Variants in HAO1 observed in about 807,000 individuals in gnomAD.
HAO1 encodes hydroxyacid oxidase 1.
A neutral mutation model predicts 39.7 loss-of-function variants in HAO1; 34 were observed. The ratio of observed to expected loss-of-function variants is 0.86; its 90% CI spans 0.65 to 1.14. The LOEUF is 1.14. Ranked by LOEUF, HAO1 falls within the 50% of genes most tolerant of loss-of-function variation. The pLI is 0.00. For synonymous variants in HAO1, 172 were observed against 173.2 expected, an observed-to-expected ratio of 0.99 and a Z score of 0.05; for missense variants, 479 against 464.5, an observed-to-expected ratio of 1.03 and a Z score of -0.29.
At chr20:7,906,121 T>G in intron 4 of HAO1, 33 bp downstream of exon 4, 1 of 1,446,016 alleles carries the variant, frequency 6.9e-7, no homozygotes, top group Non-Finnish European at 9.7e-7. Context: ...GATCACAAAG[T>G]CAGTATGAAT....
intron 5 of HAO1, among the ~76,000 whole-genome samples, chr20:7,893,239 C>T (rs771237903): frequency 6.6e-5 from 10 of 152,196 alleles, no homozygotes; most frequent in Non-Finnish European, 1.5e-4. Context: ...AAAGAGATCT[C>T]GCCTAACTGA....
chr20:7,905,188 C>T (rs2122767167), intron 4 of HAO1, among the ~76,000 whole-genome samples: 1 of 149,276 alleles, frequency 6.7e-6, no homozygotes, highest in Non-Finnish European at 1.5e-5. Flanking sequence ...TTTGTTTAAG[C>T]ACAGAATAAG....
chr20:7,917,524 C>G (rs2050312619), intron 2 of HAO1, among the ~76,000 whole-genome samples: 1 of 152,052 alleles, frequency 6.6e-6, no homozygotes, highest in Non-Finnish European at 1.5e-5. Flanking sequence ...CTCAATATTT[C>G]AGGGCAGTGA....
chr20:7,904,867 C>A (rs536096742), intron 4 of HAO1, among the ~76,000 whole-genome samples: 3 of 152,242 alleles, frequency 2.0e-5, no homozygotes, highest in Non-Finnish European at 2.9e-5. Context: ...TGAATGCAGC[C>A]ACAGTAAGTA....
intron 5 of HAO1, among the ~76,000 whole-genome samples, chr20:7,888,866 C>A (rs138924885): frequency 6.6e-6 from 1 of 152,316 alleles, no homozygotes; most frequent in African/African-American, 2.4e-5. Context: ...GGAGGCCTTG[C>A]ATGCTTCCAC....
chr20:7,898,538 A>G lies in HAO1; in HGVS notation c.722-3314T>C, dbSNP rs190570640. On this transcript the variant is annotated intron_variant, in intron 4 of 7. Coordinates refer to ENST00000378789, the MANE Select transcript of HAO1 (RefSeq NM_017545.3). ...TCATTTTAAACCAGAAGCCCAGTACACTTTCATCTCAAACGTATTTCATAA... is the reference window on the plus strand; with the variant it reads ...TCATTTTAAACCAGAAGCCCAGTACGCTTTCATCTCAAACGTATTTCATAA... 1.6e-3 allele frequency among the ~76,000 whole-genome samples: 237 copies of G among 152,258 alleles called. 2 individuals are homozygous for G. The highest frequency in any genetic ancestry group is 3.4e-3 in the Middle Eastern group (1 of 294).
chr20:7,938,494 CAT>C (rs1471047794), intron 1 of HAO1, among the ~76,000 whole-genome samples: 2 of 152,036 alleles, frequency 1.3e-5, no homozygotes, highest in Non-Finnish European at 2.9e-5. Context: ...TCGGTACACA[CAT>C]AGGATGGGAA....
intron 5 of HAO1, among the ~76,000 whole-genome samples, chr20:7,891,375 C>T (rs1424516132): frequency 6.6e-6 from 1 of 152,104 alleles, no homozygotes; most frequent in African/African-American, 2.4e-5. Context: ...GTCTTTAGTA[C>T]ACTTTTTGAT....
intron 1 of HAO1, among the ~76,000 whole-genome samples, chr20:7,937,435 A>G (rs2050417971): frequency 6.6e-6 from 1 of 152,106 alleles, no homozygotes; most frequent in South Asian, 2.1e-4. Flanking sequence ...ATTTTGTGAC[A>G]TTTATGCCTA....
intron 2 of HAO1, among the ~76,000 whole-genome samples, chr20:7,917,802 C>T (rs2050314078): frequency 6.6e-6 from 1 of 152,188 alleles, no homozygotes; most frequent in Non-Finnish European, 1.5e-5. Context: ...GAAATATCTA[C>T]AGACACTCCA....
intron 3 of HAO1, among the ~76,000 whole-genome samples, chr20:7,910,953 T>TAG (rs10630953): frequency 0.033 from 5,071 of 152,276 alleles, 239 homozygotes; most frequent in African/African-American, 0.11. Context: ...TTTCCCAATA[T>TAG]AGACATGTAT....
chr20:7,891,868 C>T (rs976210586), intron 5 of HAO1, among the ~76,000 whole-genome samples: 1 of 152,138 alleles, frequency 6.6e-6, no homozygotes, highest in Non-Finnish European at 1.5e-5. Context: ...GGCCCGCCCA[C>T]TAAGTCTACA....
intron 3 of HAO1, among the ~76,000 whole-genome samples, chr20:7,908,786 G>T (rs1429383583): frequency 6.6e-6 from 1 of 152,054 alleles, no homozygotes; most frequent in Non-Finnish European, 1.5e-5. Flanking sequence ...AAACCACTTA[G>T]GATTGTACAT....
rs146544738 is a variant in HAO1 at position 7,901,844 on chromosome 20, A to G, written c.721+4310T>C. On this transcript the variant is annotated intron_variant, in intron 4 of 7. Coordinates refer to ENST00000378789, the MANE Select transcript of HAO1 (RefSeq NM_017545.3). ...CATTTGTGATTTACAGGAGGAGGTC[A>G]AAATATCAGCATTAACAGGAATTTG... is the stretch of plus-strand genomic sequence containing the variant. 2.9e-3 allele frequency among the ~76,000 whole-genome samples: 439 copies of G among 152,342 alleles called. 3 individuals are homozygous for G. The highest frequency in any genetic ancestry group is 0.013 in the Admixed American group (199 of 15,294).
rs569288686 is a variant in HAO1, at chr20:7,893,283, G to A, written c.813+1850C>T. Among the ~76,000 whole-genome samples, 7 of 152,282 alleles carry A rather than the reference G, an allele frequency of 4.6e-5. No homozygotes were observed. The East Asian group carries it at 9.7e-4, about 21-fold the overall frequency. The stretch of plus-strand genomic sequence containing the variant: ...TGATTCTAACGGCCAAGCTTTCCTT[G>A]TTCATTGCTGAGTGTAGGCCAGACT... On this transcript the variant is annotated intron_variant, in intron 5 of 7. Transcript: ENST00000378789.
intron 2 of HAO1, among the ~76,000 whole-genome samples, chr20:7,921,972 GA>G (rs1341991339): frequency 6.6e-6 from 1 of 152,012 alleles, no homozygotes; most frequent in Non-Finnish European, 1.5e-5. Context: ...TTGGGAGGGG[GA>G]AAAGGGCTGA....
At chr20:7,898,796 T>G (rs2050208512) in intron 4 of HAO1, among the ~76,000 whole-genome samples, 1 of 152,186 alleles carries the variant, frequency 6.6e-6, no homozygotes, top group Non-Finnish European at 1.5e-5. Flanking sequence ...TGAGCTTACC[T>G]GTCCTAATAG....
At chr20:7,932,494 T>G (rs6086287) in intron 2 of HAO1, among the ~76,000 whole-genome samples, 11,295 of 152,232 alleles carry the variant, frequency 0.074, 531 homozygotes, top group East Asian at 0.2. Context: ...AAGAAGAGTT[T>G]ATAAGGTTGA....
intron 2 of HAO1, among the ~76,000 whole-genome samples, chr20:7,918,627 C>T (rs1228926380): frequency 6.6e-6 from 1 of 152,284 alleles, no homozygotes; most frequent in Non-Finnish European, 1.5e-5. Flanking sequence ...CGGGGGGCAT[C>T]CACCCTGTTA....
Sources: allele counts gnomAD v4.1 joint callset (sites outside exome capture counted in the v4.1 genomes callset), GRCh38; gene constraint gnomAD v4.1.1; transcripts MANE v1.5; gene names NCBI Gene and HGNC (gene_info 2026-07-23, HGNC 2026-07-21).